Variants in ANO3 observed in about 807,000 individuals in gnomAD.
ANO3 encodes the protein anoctamin-3.
ANO3 carries 99 observed loss-of-function variants against 144.8 expected under a neutral mutation model. That is an observed-to-expected ratio of 0.68 (90% CI 0.58 to 0.81). The LOEUF (loss-of-function observed/expected upper bound fraction) is 0.81. ANO3 is among the 30% of genes least tolerant of loss of function. The pLI is 0.00. For synonymous variants in ANO3, 414 were observed against 392.6 expected, an observed-to-expected ratio of 1.05 and a Z score of -0.64; for missense variants, 905 against 1,202.2, an observed-to-expected ratio of 0.75 and a Z score of 3.66.
chr11:26,293,533 G>GTGTATA (rs1854012292), intron 1 of ANO3, among the ~76,000 whole-genome samples: 1 of 25,952 alleles, frequency 3.9e-5, no homozygotes, highest in African/African-American at 1.4e-4. Context: ...TAAATTCCAT[G>GTGTATA]TATATATATA....
chr11:26,641,770 G>T, intron 21 of ANO3, 126 bp from the exon 22 acceptor site: 4 of 1,063,540 alleles, frequency 3.8e-6, no homozygotes, highest in Non-Finnish European at 5.1e-6. Context: ...TTTATAAAAG[G>T]TAAAACCAAA....
At chr11:26,564,568 C>T (rs916170115) in intron 14 of ANO3, among the ~76,000 whole-genome samples, 11 of 148,066 alleles carry the variant, frequency 7.4e-5, no homozygotes, top group African/African-American at 2.7e-4. Context: ...AAAAGATTGA[C>T]ATAATCCTTA....
intron 14 of ANO3, among the ~76,000 whole-genome samples, chr11:26,566,392 G>A (rs116879317): frequency 5.4e-4 from 82 of 151,874 alleles, no homozygotes; most frequent in Non-Finnish European, 9.4e-4. Context: ...TACATTAAAT[G>A]CACCATATAT....
At chr11:26,480,397 G>A (rs1860162767) in intron 4 of ANO3, among the ~76,000 whole-genome samples, 1 of 152,138 alleles carries the variant, frequency 6.6e-6, no homozygotes, top group Non-Finnish European at 1.5e-5. Flanking sequence ...ATTCTTAAGA[G>A]CAAATATGCC....
At chr11:26,466,186 G>C (rs1859595258) in intron 4 of ANO3, among the ~76,000 whole-genome samples, 1 of 151,952 alleles carries the variant, frequency 6.6e-6, no homozygotes, top group African/African-American at 2.4e-5. Context: ...CTGGGATGCA[G>C]TTTAGGAATT....
In ANO3 at chr11:26,534,541, G is replaced by T; in HGVS notation, c.955G>T (p.Glu319Ter). Reference sequence around the variant, plus strand: ...TCACATGCTGGAACGCACCAAATATGAAAATGGAATATCAAAAGTGGGTAA... The same window carrying T: ...TCACATGCTGGAACGCACCAAATATTAAAATGGAATATCAAAAGTGGGTAA... ...VYHMLERTKYENGISKVGIRK... is the reference protein window; with the variant it reads ...VYHMLERTKY Residue 319 changes from glutamate (E) to a stop codon, truncating the protein, a stop_gained, in exon 9 of 27, where the codon GAA (glutamate) becomes TAA (stop). Coordinates refer to ENST00000256737, the MANE Select transcript of ANO3 (RefSeq NM_031418.4). LOFTEE classifies it high-confidence loss of function. 6.2e-7 allele frequency: 1 copy of T among 1,611,480 alleles called. No individual in the cohort carries two copies. The highest frequency in any genetic ancestry group is 1.1e-5 in the South Asian group (1 of 90,832).
chr11:26,461,982 A>G (rs1301571111), intron 3 of ANO3, among the ~76,000 whole-genome samples: 2 of 152,020 alleles, frequency 1.3e-5, no homozygotes, highest in Non-Finnish European at 2.9e-5. Context: ...CTGGCCATTA[A>G]CTGCATCCTA....
intron 8 of ANO3, 62 bp from the exon 9 acceptor site, chr11:26,534,394 G>A (rs1849450779): frequency 7.2e-6 from 8 of 1,104,904 alleles, no homozygotes; most frequent in Non-Finnish European, 1.1e-5. Context: ...AATGGAACTT[G>A]TAACTATTGC....
intron 13 of ANO3, among the ~76,000 whole-genome samples, chr11:26,555,428 G>C (rs559013219): frequency 3.3e-5 from 5 of 152,162 alleles, no homozygotes; most frequent in African/African-American, 1.2e-4. Flanking sequence ...ACATATGGCA[G>C]AGTGATAAAG....
At chr11:26,405,648 T>C (rs1404883110) in intron 1 of ANO3, among the ~76,000 whole-genome samples, 1 of 151,932 alleles carries the variant, frequency 6.6e-6, no homozygotes, top group African/African-American at 2.4e-5. Flanking sequence ...AAACAAGACC[T>C]AACACTGGCA....
intron 1 of ANO3, among the ~76,000 whole-genome samples, chr11:26,246,192 C>T (rs924540311): frequency 9.9e-5 from 15 of 152,056 alleles, no homozygotes; most frequent in African/African-American, 3.6e-4. Flanking sequence ...CTAACAGTAA[C>T]ATATTTATTC....
In ANO3 at chr11:26,267,932, C is replaced by T. The variant is rs77351147; in HGVS notation, c.155-41713C>T. Among the ~76,000 whole-genome samples the T allele has an allele frequency of 9.2e-5, 14 of 151,964 alleles. No individual in the cohort carries two copies. In the East Asian group the frequency reaches 9.7e-4, roughly 10 times the overall value. On this transcript the variant is annotated intron_variant, in intron 1 of 27. Transcript: ENST00000672621. ...GAATCATATGCTAAAATAAAAATTT[C>T]GCAAAAACTATTTTAAAATCCAAAG...
At chr11:26,546,101 C>G (rs947955867) in intron 11 of ANO3, among the ~76,000 whole-genome samples, 6 of 151,878 alleles carry the variant, frequency 4.0e-5, no homozygotes, top group African/African-American at 9.7e-5. Context: ...TAAAGGTCCT[C>G]TACTGTGTTA....
intron 1 of ANO3, among the ~76,000 whole-genome samples, chr11:26,268,111 G>A (rs1012149420): frequency 2.0e-5 from 3 of 151,976 alleles, no homozygotes; most frequent in East Asian, 1.9e-4. Context: ...TTTATTACGC[G>A]TCAAATACTG....
chr11:26,298,410 C>G lies in ANO3; in HGVS notation c.155-11235C>G, dbSNP rs542279537. Among the ~76,000 whole-genome samples, 4 of 152,192 alleles carry G rather than the reference C, an allele frequency of 2.6e-5. No individual in the cohort carries two copies. The South Asian group carries it at 8.3e-4, about 32-fold the overall frequency. Reference sequence around the variant, plus strand: ...CATATATAAACTAGATTTTTTTCCACAACAGAAGTCCCTACACATGGAAAT... The same window carrying G: ...CATATATAAACTAGATTTTTTTCCAGAACAGAAGTCCCTACACATGGAAAT... On this transcript the variant is annotated intron_variant, in intron 1 of 27. Coordinates refer to the ANO3 transcript ENST00000672621.
chr11:26,408,188 A>G (rs1333480833), intron 1 of ANO3, among the ~76,000 whole-genome samples: 2 of 152,036 alleles, frequency 1.3e-5, no homozygotes, highest in Admixed American at 6.6e-5. Flanking sequence ...TGAACAGGCA[A>G]CCTACAAAAT....
At chr11:26,381,728 T>G (rs1856594256) in intron 1 of ANO3, among the ~76,000 whole-genome samples, 1 of 152,308 alleles carries the variant, frequency 6.6e-6, no homozygotes, top group Admixed American at 6.5e-5. Flanking sequence ...CATTCTTGTG[T>G]GTCTAATGTA....
chr11:26,345,222 G>A (rs1009600264), intron 1 of ANO3, among the ~76,000 whole-genome samples: 8 of 152,068 alleles, frequency 5.3e-5, no homozygotes, highest in Non-Finnish European at 1.0e-4. Flanking sequence ...AAGCATTAAG[G>A]CTTTGAAATT....
chr11:26,610,112 T>C (rs969747700), intron 17 of ANO3, among the ~76,000 whole-genome samples: 24 of 152,074 alleles, frequency 1.6e-4, no homozygotes, highest in African/African-American at 4.3e-4. Flanking sequence ...GGTTTCTCCA[T>C]GTTGGTCAGA....
Sources: gnomAD v4.1 joint callset for allele counts (sites outside exome capture counted in the v4.1 genomes callset) on GRCh38, gnomAD v4.1.1 for gene constraint, MANE v1.5 for transcripts, NCBI Gene and HGNC (gene_info 2026-07-23, HGNC 2026-07-21) for gene names.